Variants in SGIP1 observed in about 807,000 individuals in gnomAD.
The protein encoded by SGIP1 is SH3-containing GRB2-like protein 3-interacting protein 1.
Under a neutral mutation model 107.5 loss-of-function variants are expected in SGIP1, and 38 were observed. That is an observed-to-expected ratio of 0.35 (90% CI 0.27 to 0.46). The LOEUF is 0.46. Ranked by LOEUF, SGIP1 falls within the 20% of genes least tolerant of loss-of-function variation. The pLI is 1.00. For missense variants in SGIP1, 929 were observed against 1,019.5 expected, an observed-to-expected ratio of 0.91 and a Z score of 1.21; for synonymous variants, 365 against 366.1, an observed-to-expected ratio of 1.00 and a Z score of 0.03.
intron 1 of SGIP1, among the ~76,000 whole-genome samples, chr1:66,553,492 G>A (rs937009536): frequency 2.0e-5 from 3 of 151,850 alleles, no homozygotes; most frequent in Non-Finnish European, 4.4e-5. Flanking sequence ...CCTGGCCAAC[G>A]TGGTGAAACC....
chr1:66,646,810 A>C (rs1006589050), intron 7 of SGIP1, among the ~76,000 whole-genome samples: 1 of 152,240 alleles, frequency 6.6e-6, no homozygotes, highest in Non-Finnish European at 1.5e-5. Flanking sequence ...ATTTTAGTCC[A>C]GATTTTGCCT....
chr1:66,656,127 A>T (rs1458268630), intron 7 of SGIP1, among the ~76,000 whole-genome samples: 1 of 152,066 alleles, frequency 6.6e-6, no homozygotes, highest in East Asian at 1.9e-4. Context: ...CACTTTTTAA[A>T]CTTTTTAGTT....
intron 1 of SGIP1, among the ~76,000 whole-genome samples, chr1:66,571,620 T>G (rs1013035450): frequency 6.6e-6 from 1 of 151,952 alleles, no homozygotes; most frequent in Non-Finnish European, 1.5e-5. Flanking sequence ...AGAGTAAAAT[T>G]TTTAAAATTG....
intron 11 of SGIP1, among the ~76,000 whole-genome samples, chr1:66,672,936 T>C (rs2084186680): frequency 6.6e-6 from 1 of 152,216 alleles, no homozygotes; most frequent in Non-Finnish European, 1.5e-5. Flanking sequence ...GGGAGAAAGG[T>C]GCTTTGCAAT....
upstream of SGIP1, among the ~76,000 whole-genome samples, chr1:66,533,855 C>T (rs149061555): frequency 2.4e-3 from 371 of 152,190 alleles, 4 homozygotes; most frequent in African/African-American, 8.6e-3. Flanking sequence ...AGGTGGCAGC[C>T]CTTGATAACT....
chr1:66,732,909 T>C (rs1331328456), intron 20 of SGIP1, among the ~76,000 whole-genome samples: 1 of 152,186 alleles, frequency 6.6e-6, no homozygotes, highest in African/African-American at 2.4e-5. Flanking sequence ...TGTCAGCAAA[T>C]GTGTGTGACA....
chr1:66,721,362 A>C (rs901426002), intron 19 of SGIP1, among the ~76,000 whole-genome samples: 2 of 152,176 alleles, frequency 1.3e-5, no homozygotes, highest in Non-Finnish European at 2.9e-5. Context: ...ACCTTAGAAA[A>C]TCACGTTGGC....
At chr1:66,583,363 C>G (rs936024784) in intron 1 of SGIP1, among the ~76,000 whole-genome samples, 1 of 152,008 alleles carries the variant, frequency 6.6e-6, no homozygotes, top group Non-Finnish European at 1.5e-5. Context: ...TCACCCCATC[C>G]TACTGAGTCT....
At chr1:66,630,808 A>G (rs1004988743) in intron 2 of SGIP1, among the ~76,000 whole-genome samples, 2 of 5,474 alleles carry the variant, frequency 3.7e-4, no homozygotes, top group African/African-American at 1.0e-3. Flanking sequence ...CTCCGGAAAG[A>G]AAGAAAGAAA....
At chr1:66,579,077 T>C (rs1325736353) in intron 1 of SGIP1, among the ~76,000 whole-genome samples, 1 of 152,214 alleles carries the variant, frequency 6.6e-6, no homozygotes, top group Non-Finnish European at 1.5e-5. Flanking sequence ...ATCCAGGAAG[T>C]GTGGTTTCAC....
At chr1:66,611,765 C>G (rs2068057318) in intron 1 of SGIP1, among the ~76,000 whole-genome samples, 1 of 152,092 alleles carries the variant, frequency 6.6e-6, no homozygotes, top group African/African-American at 2.4e-5. Flanking sequence ...AAAGATACTT[C>G]TTAGGTTTCT....
chr1:66,572,838 C>G (rs955959382), intron 1 of SGIP1, among the ~76,000 whole-genome samples: 1 of 151,714 alleles, frequency 6.6e-6, no homozygotes, highest in African/African-American at 2.4e-5. Flanking sequence ...AACTACAATG[C>G]GATATATCCA....
intron 1 of SGIP1, among the ~76,000 whole-genome samples, chr1:66,592,447 C>T (rs2063801416): frequency 1.3e-5 from 2 of 152,214 alleles, no homozygotes; most frequent in Admixed American, 6.5e-5. Flanking sequence ...TTAACAGCAT[C>T]TCAAGGCAGA....
At chr1:66,659,419 T>A (rs1389381394) in intron 7 of SGIP1, among the ~76,000 whole-genome samples, 2 of 152,186 alleles carry the variant, frequency 1.3e-5, no homozygotes, top group African/African-American at 4.8e-5. Context: ...CTGACGGCTC[T>A]AGCCATGGTG....
intron 19 of SGIP1, among the ~76,000 whole-genome samples, chr1:66,724,922 T>C (rs1315441884): frequency 6.6e-6 from 1 of 152,222 alleles, no homozygotes; most frequent in Non-Finnish European, 1.5e-5. Flanking sequence ...ATAAGTGCTC[T>C]AATTGTTTTC....
At chr1:66,727,954 A>G (rs2093834045) in intron 19 of SGIP1, among the ~76,000 whole-genome samples, 1 of 152,168 alleles carries the variant, frequency 6.6e-6, no homozygotes, top group Admixed American at 6.5e-5. Flanking sequence ...TCTTAATTGT[A>G]TGATGATTTT....
At chr1:66,640,526 G>A (rs1487723843) in intron 5 of SGIP1, among the ~76,000 whole-genome samples, 2 of 152,088 alleles carry the variant, frequency 1.3e-5, no homozygotes, top group Admixed American at 1.3e-4. Flanking sequence ...CAGGCAGGGG[G>A]AACAGAGTTG....
chr1:66,583,706 T>C (rs892113733), intron 1 of SGIP1, among the ~76,000 whole-genome samples: 2 of 152,150 alleles, frequency 1.3e-5, no homozygotes, highest in South Asian at 2.1e-4. Flanking sequence ...AGTAGTGTCC[T>C]TCTTCTGCAT....
intron 3 of SGIP1, among the ~76,000 whole-genome samples, chr1:66,634,406 T>C (rs12760606): frequency 6.6e-6 from 1 of 151,600 alleles, no homozygotes; most frequent in Non-Finnish European, 1.5e-5. Context: ...ATTCTCTGTG[T>C]TCTGAGCAGC....
Sources: gnomAD v4.1 joint callset for allele counts (sites outside exome capture counted in the v4.1 genomes callset) on GRCh38, gnomAD v4.1.1 for gene constraint, MANE v1.5 for transcripts, NCBI Gene and HGNC (gene_info 2026-07-23, HGNC 2026-07-21) for gene names.